Variants in CLC observed in about 807,000 individuals in gnomAD.
CLC encodes Charcot-Leyden crystal galectin.
Under a neutral mutation model 13.9 loss-of-function variants are expected in CLC, and 15 were observed. The ratio of observed to expected loss-of-function variants is 1.08; its 90% CI spans 0.72 to 1.66. CLC has a LOEUF of 1.66. Among genes scored for constraint, CLC ranks in the 40% most tolerant of loss-of-function variants. The pLI, the probability that CLC is intolerant of heterozygous loss-of-function variation, is 0.00. For synonymous variants in CLC, 68 were observed against 59.9 expected, an observed-to-expected ratio of 1.14 and a Z score of -0.63; for missense variants, 161 against 169.1, an observed-to-expected ratio of 0.95 and a Z score of 0.27.
At chr19:39,734,809 C>A (rs959547175) in intron 2 of CLC, among the ~76,000 whole-genome samples, 188 bp downstream of exon 2, 1 of 152,116 alleles carries the variant, frequency 6.6e-6, no homozygotes, top group Non-Finnish European at 1.5e-5. Context: ...CTCCTAGACC[C>A]ATGACTAGCC....
At position 39,734,090 on chromosome 19, in the gene CLC, G is replaced by A. The variant is rs573187937; in HGVS notation, c.303+193C>T. The A allele has an allele frequency of 4.1e-6, 4 of 984,922 alleles. No homozygotes were observed. The South Asian group carries it at 1.4e-4, about 35-fold the overall frequency. The allele number at this position is 984,922 out of a possible 1,614,324, so 61.0% of individuals were successfully genotyped here. A position where few individuals can be genotyped will look rare whatever the true frequency, so the allele number is the denominator to read the frequency against. ...GAGAGAGGGAAATGATAAAAGTAAA[G>A]GGAACCCCTGTGTGTGTGATAAAAA... On this transcript the variant is annotated intron_variant, in intron 3 of 3. Coordinates refer to ENST00000221804, the MANE Select transcript of CLC (RefSeq NM_001828.6).
chr19:39,736,243 C>G (rs1264306909), intron 1 of CLC, among the ~76,000 whole-genome samples: 1 of 149,926 alleles, frequency 6.7e-6, no homozygotes, highest in Admixed American at 6.6e-5. Context: ...GAGAGGGAAA[C>G]GAACAGGAAA....
chr19:39,731,505 C>A lies in CLC; in HGVS notation c.304G>T (p.Val102Leu), dbSNP rs750982874. The change falls in exon 4 of 4, where the codon GTA becomes TTA. Residue 102 changes from valine to leucine, a missense_variant and splice_region_variant. Coordinates refer to ENST00000221804, the MANE Select transcript of CLC (RefSeq NM_001828.6). ...TAAGAGGATTGGCCATTGACCATTA[C>A]CTACAGAAGGAAAAAAATACATCAG... ...SISVLPDKYQ[V>L]MVNGQSSYTF... 48 of 1,598,670 alleles carry A rather than the reference C, an allele frequency of 3.0e-5. No homozygotes were observed. The East Asian group carries it at 4.9e-4, about 16-fold the overall frequency.
intron 1 of CLC, among the ~76,000 whole-genome samples, chr19:39,735,506 G>A (rs1371199462): frequency 6.6e-6 from 1 of 152,046 alleles, no homozygotes; most frequent in East Asian, 1.9e-4. Context: ...TGGAGAGTTG[G>A]GGTTTCACGA....
chr19:39,733,748 G>T (rs1048544858), intron 3 of CLC, among the ~76,000 whole-genome samples: 4 of 145,464 alleles, frequency 2.7e-5, no homozygotes, highest in Admixed American at 2.0e-4. Flanking sequence ...TGTATATATG[G>T]GTGTATGTAT....
chr19:39,731,497 G>C lies in CLC; in HGVS notation c.312C>G (p.Val104=), dbSNP rs930883601. The C allele has an allele frequency of 2.5e-6, 4 of 1,605,134 alleles. No individual in the cohort carries two copies. The highest frequency in any genetic ancestry group is 2.7e-5 in the African/African-American group (2 of 74,620). The change falls in exon 4 of 4, where the codon GTC becomes GTG. Residue 104 remains valine (V), a synonymous_variant. Coordinates refer to ENST00000221804, the MANE Select transcript of CLC (RefSeq NM_001828.6). ...SVLPDKYQVM[V]NGQSSYTFDH... ...CAAAGGTGTAAGAGGATTGGCCATT[G>C]ACCATTACCTACAGAAGGAAAAAAA...
chr19:39,733,495 A>G (rs1171598865), intron 3 of CLC, among the ~76,000 whole-genome samples: 1 of 152,238 alleles, frequency 6.6e-6, no homozygotes, highest in Non-Finnish European at 1.5e-5. Context: ...TAGAAAGCTT[A>G]ATACAGTAAC....
intron 3 of CLC, among the ~76,000 whole-genome samples, chr19:39,733,514 G>A (rs2144916516): frequency 6.6e-6 from 1 of 152,280 alleles, no homozygotes; most frequent in East Asian, 1.9e-4. Flanking sequence ...ACATTTGTGA[G>A]AGCAAAACAT....
chr19:39,734,515 T>C, intron 2 of CLC, 22 bp from the exon 3 acceptor site: 2 of 1,601,492 alleles, frequency 1.2e-6, no homozygotes, highest in South Asian at 1.1e-5. Flanking sequence ...GCACACAGTG[T>C]TGAGCAGGTC....
intron 1 of CLC, among the ~76,000 whole-genome samples, chr19:39,736,573 G>A (rs1198907819): frequency 3.3e-5 from 5 of 152,026 alleles, no homozygotes; most frequent in East Asian, 1.9e-4. Flanking sequence ...TCAGGAGTTC[G>A]AGACCAGCCT....
At chr19:39,732,596 C>T (rs1967242796) in intron 3 of CLC, among the ~76,000 whole-genome samples, 1 of 124,056 alleles carries the variant, frequency 8.1e-6, no homozygotes, top group African/African-American at 3.2e-5. Context: ...GGGTATATAC[C>T]CAGTAATGGG....
At chr19:39,734,869 G>A in intron 2 of CLC, 128 bp downstream of exon 2, 1 of 725,818 alleles carries the variant, frequency 1.4e-6, no homozygotes. Flanking sequence ...GGGTCTCCAG[G>A]ACCTGCACAT....
At chr19:39,735,303 A>G (rs1006600912) in intron 1 of CLC, among the ~76,000 whole-genome samples, 2 of 152,190 alleles carry the variant, frequency 1.3e-5, no homozygotes, top group African/African-American at 2.4e-5. Context: ...TGTGCTGACT[A>G]CTAGCAGTGA....
At chr19:39,735,175 A>T in intron 1 of CLC, 102 bp from the exon 2 acceptor site, 1 of 792,168 alleles carries the variant, frequency 1.3e-6, no homozygotes, top group Non-Finnish European at 2.2e-6. Flanking sequence ...CAAGCAGTAG[A>T]CTCAGGCCTC....
At chr19:39,731,721 G>A (rs1235899321) in intron 3 of CLC, among the ~76,000 whole-genome samples, 1 of 152,128 alleles carries the variant, frequency 6.6e-6, no homozygotes, top group Admixed American at 6.5e-5. Flanking sequence ...CATTTCTCCA[G>A]TGAGGCTCTG....
intron 1 of CLC, among the ~76,000 whole-genome samples, chr19:39,735,575 C>T (rs1204373834): frequency 6.6e-6 from 1 of 152,190 alleles, no homozygotes; most frequent in Non-Finnish European, 1.5e-5. Flanking sequence ...CTCAGCCTCC[C>T]AAACTCCTAG....
chr19:39,732,166 G>T (rs1419074392), intron 3 of CLC, among the ~76,000 whole-genome samples: 1 of 121,380 alleles, frequency 8.2e-6, no homozygotes, highest in Admixed American at 7.6e-5. Context: ...GTGCCATGCT[G>T]GTGCTCTGCA....
intron 1 of CLC, among the ~76,000 whole-genome samples, chr19:39,736,290 C>G (rs543722002): frequency 2.4e-4 from 36 of 152,204 alleles, no homozygotes; most frequent in Admixed American, 2.6e-4. Context: ...GCACATACAT[C>G]ACAATCATCA....
intron 1 of CLC, among the ~76,000 whole-genome samples, chr19:39,737,681 C>A (rs774061941): frequency 1.3e-5 from 2 of 152,096 alleles, no homozygotes; most frequent in African/African-American, 2.4e-5. Context: ...AAAGTCACAT[C>A]ATTTTTAGCA....
Sources: gnomAD v4.1 joint callset for allele counts (sites outside exome capture counted in the v4.1 genomes callset) on GRCh38, gnomAD v4.1.1 for gene constraint, MANE v1.5 for transcripts, NCBI Gene and HGNC (gene_info 2026-07-23, HGNC 2026-07-21) for gene names.